Variants in SASH1 observed in about 807,000 individuals in gnomAD.
SASH1 encodes the protein SAM and SH3 domain containing 1.
Under a neutral mutation model 125.2 loss-of-function variants are expected in SASH1, and 44 were observed. The observed-to-expected ratio is 0.35, with a 90% CI of 0.28 to 0.45. The LOEUF is 0.45. SASH1 is among the 20% of genes least tolerant of loss of function. The pLI, the probability that SASH1 is intolerant of heterozygous loss-of-function variation, is 1.00. For synonymous variants in SASH1, 639 were observed against 649.1 expected (o/e 0.98, Z 0.24); for missense variants, 1,426 against 1,614.5 (o/e 0.88, Z 2.00).
chr6:148,259,941 A>C, the SASH1 span, among the ~76,000 whole-genome samples: 7 of 152,106 alleles, frequency 4.6e-5, no homozygotes, highest in African/African-American at 1.7e-4. Context: ...GCTAGAGTGC[A>C]GTGGTGGAAA....
chr6:148,216,194 T>C, the SASH1 span, among the ~76,000 whole-genome samples: 1 of 152,208 alleles, frequency 6.6e-6, no homozygotes, highest in Non-Finnish European at 1.5e-5. Flanking sequence ...TTCTAATATG[T>C]AACAGTAGAT....
intron 1 of SASH1, among the ~76,000 whole-genome samples, chr6:148,310,785 A>G (rs1216870638): frequency 2.0e-5 from 3 of 152,224 alleles, no homozygotes; most frequent in Non-Finnish European, 4.4e-5. Flanking sequence ...AAATTTAAAA[A>G]CAACAAAATA....
At chr6:148,543,544 T>G in intron 17 of SASH1, 136 bp from the exon 18 acceptor site, 1 of 652,740 alleles carries the variant, frequency 1.5e-6, no homozygotes, top group Non-Finnish European at 2.4e-6. Context: ...TCATAAATGG[T>G]GATTTTATGT....
At chr6:148,399,126 A>G (rs1430816895) in intron 2 of SASH1, among the ~76,000 whole-genome samples, 1 of 152,016 alleles carries the variant, frequency 6.6e-6, no homozygotes, top group East Asian at 1.9e-4. Flanking sequence ...GCACTTGCGG[A>G]AACCACCGGG....
chr6:148,282,924 A>G (rs1179694225), intron 1 of SASH1, among the ~76,000 whole-genome samples: 1 of 152,080 alleles, frequency 6.6e-6, no homozygotes, highest in Non-Finnish European at 1.5e-5. Flanking sequence ...GGTTCTAAGC[A>G]TAGCTCATTT....
intron 1 of SASH1, among the ~76,000 whole-genome samples, chr6:148,276,001 A>G (rs1015336976): frequency 6.6e-6 from 1 of 152,218 alleles, no homozygotes; most frequent in African/African-American, 2.4e-5. Flanking sequence ...GATTTCAGGC[A>G]TGAGCCACTG....
chr6:148,214,454 A>C, the SASH1 span, among the ~76,000 whole-genome samples: 1 of 152,148 alleles, frequency 6.6e-6, no homozygotes, highest in East Asian at 1.9e-4. Flanking sequence ...CTATATCTCT[A>C]TACTTCATTC....
rs188258745 is a variant in SASH1 at position 148,292,140 on chromosome 6, G to A, written n.74+19763G>A. Among the ~76,000 whole-genome samples, 9 of 152,340 alleles carry A rather than the reference G, an allele frequency of 5.9e-5. No homozygotes were observed. The East Asian group carries it at 1.5e-3, about 26-fold the overall frequency. ...CAGGGTTACTTGAGATTAGAAAGTA[G>A]ACAGAGTTGTCTTCTGTGATGATCT... On this transcript the variant is annotated intron_variant and non_coding_transcript_variant, in intron 1 of 3. Coordinates refer to the SASH1 transcript ENST00000367469.
intron 1 of SASH1, among the ~76,000 whole-genome samples, chr6:148,347,758 C>CTTT (rs36030075): frequency 0.46 from 70,115 of 151,664 alleles, 16,214 homozygotes; most frequent in South Asian, 0.57. Context: ...TATGATGTTC[C>CTTT]TTTTAGCCCA....
intron 10 of SASH1, chr6:148,525,063 C>A (rs1781055089): frequency 5.7e-6 from 3 of 522,252 alleles, no homozygotes; most frequent in Non-Finnish European, 1.0e-5. Context: ...GGATTCTAGA[C>A]CTCTGGGGTA....
At chr6:148,485,531 A>T (rs1044349691) in intron 7 of SASH1, among the ~76,000 whole-genome samples, 2 of 152,202 alleles carry the variant, frequency 1.3e-5, no homozygotes, top group Non-Finnish European at 2.9e-5. Flanking sequence ...TATCATAGTT[A>T]ATTCTGGTAA....
chr6:148,363,472 G>C (rs1420360654), intron 1 of SASH1, among the ~76,000 whole-genome samples: 1 of 151,650 alleles, frequency 6.6e-6, no homozygotes, highest in Non-Finnish European at 1.5e-5. Flanking sequence ...CACGATCTTC[G>C]CTCACTGCAA....
At chr6:148,512,096 G>C (rs1465976550) in intron 8 of SASH1, among the ~76,000 whole-genome samples, 1 of 152,040 alleles carries the variant, frequency 6.6e-6, no homozygotes, top group African/African-American at 2.4e-5. Flanking sequence ...CCGGCTCCCT[G>C]CAAGCTCCGC....
chr6:148,205,804 C>T, the SASH1 span, among the ~76,000 whole-genome samples: 9 of 152,166 alleles, frequency 5.9e-5, no homozygotes, highest in African/African-American at 2.2e-4. Context: ...TGAGCCTGTG[C>T]CATACTTAGC....
chr6:148,345,868 G>T (rs1477679406), intron 1 of SASH1, among the ~76,000 whole-genome samples: 2 of 152,174 alleles, frequency 1.3e-5, no homozygotes, highest in Non-Finnish European at 2.9e-5. Flanking sequence ...ACGCTCCATA[G>T]TTAACTCTCA....
intron 1 of SASH1, among the ~76,000 whole-genome samples, chr6:148,282,738 G>A (rs539688809): frequency 1.4e-4 from 18 of 130,324 alleles, no homozygotes; most frequent in Admixed American, 8.4e-5. Flanking sequence ...CAGAGGAACC[G>A]AACTAACACA....
the SASH1 span, among the ~76,000 whole-genome samples, chr6:148,226,266 A>G: frequency 6.6e-6 from 1 of 152,250 alleles, no homozygotes; most frequent in African/African-American, 2.4e-5. Flanking sequence ...TTATTTTAGC[A>G]TAATACCACT....
At chr6:148,355,360 C>T (rs943974860) in intron 1 of SASH1, among the ~76,000 whole-genome samples, 4 of 152,092 alleles carry the variant, frequency 2.6e-5, no homozygotes, top group African/African-American at 9.7e-5. Context: ...ACTGGAAGAG[C>T]GTCATAACAC....
chr6:148,321,566 C>T (rs1039139615), intron 1 of SASH1, among the ~76,000 whole-genome samples: 1 of 152,160 alleles, frequency 6.6e-6, no homozygotes, highest in Non-Finnish European at 1.5e-5. Context: ...ACCTGGCTGA[C>T]TGCACTCTTT....
Sources: gnomAD v4.1 joint callset for allele counts (sites outside exome capture counted in the v4.1 genomes callset) on GRCh38, gnomAD v4.1.1 for gene constraint, MANE v1.5 for transcripts, NCBI Gene and HGNC (gene_info 2026-07-23, HGNC 2026-07-21) for gene names.